RDX: variants seen among roughly 807,000 people sequenced by gnomAD.
The protein encoded by RDX is radixin.
In RDX, 32 loss-of-function variants were observed where a neutral mutation model predicts 83.7. The observed-to-expected ratio is 0.38, with a 90% CI of 0.29 to 0.51. The LOEUF (loss-of-function observed/expected upper bound fraction) is 0.51. Among genes scored for constraint, RDX ranks in the 20% least tolerant of loss-of-function variants. RDX has a pLI of 0.87. For synonymous variants in RDX, 229 were observed against 222.7 expected (o/e 1.03, Z -0.25); for missense variants, 600 against 689.9 (o/e 0.87, Z 1.46).
At chr11:110,228,933 A>C (rs1422948517), downstream of RDX, among the ~76,000 whole-genome samples, 1 of 150,878 alleles carries the variant, frequency 6.6e-6, no homozygotes, top group Admixed American at 6.6e-5. Flanking sequence ...ATCAACAAAA[A>C]AATCTAGCTT....
At chr11:110,234,932 G>A (rs951612169) in intron 12 of RDX, among the ~76,000 whole-genome samples, 1 of 152,108 alleles carries the variant, frequency 6.6e-6, no homozygotes, top group South Asian at 2.1e-4. Flanking sequence ...TTTCAGTTAA[G>A]AGTTAATGTT....
In RDX at chr11:110,233,430, G is replaced by A; in HGVS notation, c.1394C>T (p.Thr465Ile). 2 of 1,614,064 alleles carry A rather than the reference G, an allele frequency of 1.2e-6. No homozygotes were observed. Among genetic ancestry groups the A allele is most frequent in the Non-Finnish European group, 1.7e-6 (2 of 1,179,990 alleles). The change falls in exon 13 of 14, where the codon ACT becomes ATT. Residue 465 changes from threonine to isoleucine, a missense_variant. Transcript: ENST00000645495. ...DLEKTKEELK[T>I]VMSAPPPPPP... ...AGGTGGAGGGGGGGCAGACATCACA[G>A]TTTTTAACTCTTCTTTGGTCTTTTC...
chr11:110,220,955 G>A (rs1451597678), intron 14 of RDX, among the ~76,000 whole-genome samples: 1 of 151,710 alleles, frequency 6.6e-6, no homozygotes, highest in African/African-American at 2.4e-5. Flanking sequence ...CTAATTTGGG[G>A]ATAACCATAG....
chr11:110,206,761 TC>T (rs1339635110), intron 14 of RDX, among the ~76,000 whole-genome samples: 2 of 152,172 alleles, frequency 1.3e-5, no homozygotes, highest in Non-Finnish European at 2.9e-5. Context: ...TGAATTTTGT[TC>T]CAAATATCTT....
intron 9 of RDX, among the ~76,000 whole-genome samples, chr11:110,252,963 G>T (rs1859399783): frequency 6.6e-6 from 1 of 152,064 alleles, no homozygotes; most frequent in African/African-American, 2.4e-5. Context: ...GATGGGATTA[G>T]TAATTACTGA....
chr11:110,219,637 T>G (rs1287355291), intron 14 of RDX, among the ~76,000 whole-genome samples: 1 of 152,118 alleles, frequency 6.6e-6, no homozygotes, highest in Non-Finnish European at 1.5e-5. Flanking sequence ...TGGATGGAGA[T>G]TATGAGAGAG....
chr11:110,199,561 C>T (rs546569723), intron 15 of RDX: 9 of 702,712 alleles, frequency 1.3e-5, no homozygotes, highest in East Asian at 5.4e-5. Context: ...GCCCTGGCCA[C>T]GGCTGCCAGT....
intron 1 of RDX, chr11:110,287,119 T>C (rs1046779302): frequency 6.6e-6 from 1 of 152,224 alleles, no homozygotes; most frequent in Non-Finnish European, 1.5e-5. Context: ...GGGCTGGTTA[T>C]GGTGGCTCAT....
intron 10 of RDX, among the ~76,000 whole-genome samples, chr11:110,240,390 T>G (rs1047012964): frequency 4.0e-5 from 6 of 150,970 alleles, no homozygotes; most frequent in Non-Finnish European, 5.9e-5. Context: ...GTGGGGGGAG[T>G]TGAAGGGAGG....
chr11:110,180,876 T>C (rs570057083), intron 15 of RDX, among the ~76,000 whole-genome samples: 11 of 152,188 alleles, frequency 7.2e-5, no homozygotes, highest in South Asian at 4.2e-4. Flanking sequence ...CCAGCCCCCC[T>C]CTTGGATGTG....
intron 9 of RDX, 176 bp downstream of exon 9, chr11:110,253,770 C>A (rs891450340): frequency 3.2e-6 from 2 of 630,858 alleles, no homozygotes; most frequent in Non-Finnish European, 5.4e-6. Flanking sequence ...AGATTTCTAA[C>A]TTGAAAATTA....
Position 110,257,889 on chromosome 11 carries a change from C to A in RDX, c.576G>T (p.Leu192=). Residue 192 remains leucine (L), a synonymous_variant, in exon 7 of 14, where the codon CTG becomes CTT. Coordinates refer to ENST00000645495, the MANE Select transcript of RDX (RefSeq NM_002906.4). ...MLREDSMMEY[L]KIAQDLEMYG... ...ACATTTCTAGATCTTGTGCAATCTT[C>A]AGGTATTCCATCATAGAATCCTCCC... 6.2e-7 allele frequency: 1 copy of A among 1,612,086 alleles called. No individual in the cohort carries two copies. Among genetic ancestry groups the A allele is most frequent in the South Asian group, 1.1e-5 (1 of 90,988 alleles).
chr11:110,258,216 T>A (rs1349740238), intron 5 of RDX, 27 bp from the exon 6 acceptor site: 33 of 1,260,054 alleles, frequency 2.6e-5, no homozygotes, highest in Non-Finnish European at 3.2e-5. Flanking sequence ...AAAAAAAAAA[T>A]TATAATGACT....
intron 6 of RDX, 36 bp from the exon 7 acceptor site, chr11:110,257,949 A>G (rs779755342): frequency 6.3e-7 from 1 of 1,594,894 alleles, no homozygotes; most frequent in Non-Finnish European, 8.6e-7. Context: ...ATATTTAAGT[A>G]GGAGCATATC....
At chr11:110,208,985 G>T (rs1259826838) in intron 14 of RDX, among the ~76,000 whole-genome samples, 2 of 152,086 alleles carry the variant, frequency 1.3e-5, no homozygotes, top group Non-Finnish European at 2.9e-5. Flanking sequence ...AATATAATGC[G>T]GAAGATGGCC....
At chr11:110,223,062 A>C (rs569142944) in intron 14 of RDX, among the ~76,000 whole-genome samples, 1 of 152,098 alleles carries the variant, frequency 6.6e-6, no homozygotes, top group African/African-American at 2.4e-5. Context: ...AAAATACACA[A>C]ATTTTAGGCT....
Position 110,254,010 on chromosome 11 carries a change from T to TA in RDX, c.894dup (p.Thr299TyrfsTer3), listed in dbSNP as rs1859442659. The TA allele has an allele frequency of 6.2e-7, 1 of 1,613,686 alleles. No homozygotes were observed. The highest frequency in any genetic ancestry group is 1.3e-5 in the African/African-American group (1 of 74,904). ...GCCTTCATCTGTTGTACTTCAATAGTATCAGGCTTCCTTCTTCGCATGTAT... is the reference window on the plus strand; with the variant it reads ...GCCTTCATCTGTTGTACTTCAATAGTAATCAGGCTTCCTTCTTCGCATGTAT... On this transcript the variant is annotated frameshift_variant, in exon 9 of 14. Transcript: ENST00000645495. LOFTEE classifies it high-confidence loss of function.
intron 10 of RDX, among the ~76,000 whole-genome samples, chr11:110,238,430 A>G (rs1864948856): frequency 6.6e-6 from 1 of 152,218 alleles, no homozygotes; most frequent in Non-Finnish European, 1.5e-5. Flanking sequence ...CAATTATTTA[A>G]GCCCTGTGAC....
At chr11:110,261,167 A>C (rs975477297) in intron 5 of RDX, among the ~76,000 whole-genome samples, 1 of 152,246 alleles carries the variant, frequency 6.6e-6, no homozygotes, top group African/African-American at 2.4e-5. Flanking sequence ...AATAAATACC[A>C]GATATCTCTC....
Sources: gnomAD v4.1 joint callset for allele counts (sites outside exome capture counted in the v4.1 genomes callset) on GRCh38, gnomAD v4.1.1 for gene constraint, MANE v1.5 for transcripts, NCBI Gene and HGNC (gene_info 2026-07-23, HGNC 2026-07-21) for gene names.